Variants in LHFPL3 observed in about 807,000 individuals in gnomAD.
LHFPL3 encodes the protein LHFPL tetraspan subfamily member 3.
In LHFPL3, 5 loss-of-function variants were observed where a neutral mutation model predicts 19.3. The observed-to-expected ratio is 0.26, with a 90% CI of 0.14 to 0.54. The LOEUF (loss-of-function observed/expected upper bound fraction) is 0.54, where lower values mean the gene tolerates loss of function less well. LHFPL3 is among the 20% of genes least tolerant of loss of function. The pLI, the probability that LHFPL3 is intolerant of heterozygous loss-of-function variation, is 0.94. For synonymous variants in LHFPL3, 133 were observed against 126.2 expected (o/e 1.05, Z -0.36); for missense variants, 249 against 307.4 (o/e 0.81, Z 1.42).
intron 2 of LHFPL3, among the ~76,000 whole-genome samples, chr7:104,882,246 TTTAC>T (rs1032941996): frequency 6.6e-6 from 1 of 152,090 alleles, no homozygotes; most frequent in African/African-American, 2.4e-5. Flanking sequence ...TATTTATTTA[TTTAC>T]TTATTTATTT....
At chr7:104,524,665 A>G (rs116059828) in intron 1 of LHFPL3, among the ~76,000 whole-genome samples, 1 of 152,146 alleles carries the variant, frequency 6.6e-6, no homozygotes, top group Non-Finnish European at 1.5e-5. Flanking sequence ...CACAAAAAAG[A>G]AGTGTGATTT....
chr7:104,402,537 G>C (rs918884596), intron 1 of LHFPL3, among the ~76,000 whole-genome samples: 1 of 152,138 alleles, frequency 6.6e-6, no homozygotes, highest in Non-Finnish European at 1.5e-5. Flanking sequence ...GCTGAGAATC[G>C]TATGTTTTCT....
chr7:104,419,875 T>C (rs912028618), intron 1 of LHFPL3, among the ~76,000 whole-genome samples: 2 of 152,210 alleles, frequency 1.3e-5, no homozygotes, highest in Admixed American at 1.3e-4. Context: ...GCAAATATGC[T>C]GGATTGGACT....
chr7:104,440,718 T>C (rs186885333), intron 1 of LHFPL3, among the ~76,000 whole-genome samples: 133 of 152,300 alleles, frequency 8.7e-4, no homozygotes, highest in Middle Eastern at 3.4e-3. Flanking sequence ...TTTGATGACA[T>C]AGATTACGTA....
chr7:104,697,198 T>C (rs571597409), intron 1 of LHFPL3, among the ~76,000 whole-genome samples: 11 of 152,124 alleles, frequency 7.2e-5, no homozygotes, highest in Admixed American at 2.0e-4. Context: ...TACTATCACA[T>C]TGGGGGTTAA....
At chr7:104,691,054 A>C (rs1792897194) in intron 1 of LHFPL3, among the ~76,000 whole-genome samples, 1 of 152,202 alleles carries the variant, frequency 6.6e-6, no homozygotes, top group African/African-American at 2.4e-5. Flanking sequence ...TCTTCTTTTG[A>C]GAGACAGCAT....
intron 1 of LHFPL3, among the ~76,000 whole-genome samples, chr7:104,665,712 G>T (rs1008356153): frequency 1.3e-5 from 2 of 152,218 alleles, no homozygotes; most frequent in African/African-American, 4.8e-5. Context: ...CTGCTCAAAG[G>T]TGAGTTATTT....
At chr7:104,457,893 T>G (rs1306624620) in intron 1 of LHFPL3, among the ~76,000 whole-genome samples, 2 of 144,464 alleles carry the variant, frequency 1.4e-5, no homozygotes, top group Non-Finnish European at 3.0e-5. Context: ...TCATGTGTCT[T>G]TTGGCTGCAT....
Position 104,741,872 on chromosome 7 carries a change from A to C in LHFPL3, c.682+4961A>C, listed in dbSNP as rs564978953. Among the ~76,000 whole-genome samples the C allele has an allele frequency of 2.0e-5, 3 of 152,312 alleles. No individual in the cohort carries two copies. In the South Asian group the frequency reaches 6.2e-4, roughly 32 times the overall value. ...ACTAACTTTATATAGGAGCTGGCACATGCAAGAAAACTCAACTGCCTGCTC... is the reference window on the plus strand; with the variant it reads ...ACTAACTTTATATAGGAGCTGGCACCTGCAAGAAAACTCAACTGCCTGCTC... On this transcript the variant is annotated intron_variant, in intron 2 of 2. Coordinates refer to ENST00000424859, the MANE Select transcript of LHFPL3 (RefSeq NM_199000.3).
intron 1 of LHFPL3, among the ~76,000 whole-genome samples, chr7:104,653,942 A>G (rs565986580): frequency 6.6e-6 from 1 of 152,272 alleles, no homozygotes; most frequent in South Asian, 2.1e-4. Context: ...TTCCCTAAAG[A>G]CAGCACTTTT....
intron 1 of LHFPL3, among the ~76,000 whole-genome samples, chr7:104,506,146 A>G (rs377008871): frequency 7.9e-5 from 12 of 152,012 alleles, no homozygotes; most frequent in African/African-American, 2.7e-4. Context: ...CCTCCCGAGT[A>G]GCTGGGACTA....
At chr7:104,623,053 T>C (rs755993577) in intron 1 of LHFPL3, 1 of 343,788 alleles carries the variant, frequency 2.9e-6, no homozygotes, top group South Asian at 2.3e-5. Context: ...CATCTTTTCA[T>C]GTATTCATTA....
At chr7:104,660,111 C>T (rs988798187) in intron 1 of LHFPL3, among the ~76,000 whole-genome samples, 1 of 151,590 alleles carries the variant, frequency 6.6e-6, no homozygotes, top group Non-Finnish European at 1.5e-5. Context: ...AAGCTATTCT[C>T]CTGCCTTAGC....
chr7:104,650,854 T>G (rs534242208), intron 1 of LHFPL3, among the ~76,000 whole-genome samples: 170 of 152,200 alleles, frequency 1.1e-3, no homozygotes, highest in Admixed American at 3.0e-3. Flanking sequence ...GACTCAAAAT[T>G]TCTATGGGGC....
At chr7:104,501,885 G>C (rs1793604142) in intron 1 of LHFPL3, among the ~76,000 whole-genome samples, 1 of 152,138 alleles carries the variant, frequency 6.6e-6, no homozygotes, top group Admixed American at 6.5e-5. Flanking sequence ...ATTGTTGTCT[G>C]TTTTCTTTTT....
At chr7:104,776,447 C>T (rs747674012) in intron 2 of LHFPL3, among the ~76,000 whole-genome samples, 1 of 152,136 alleles carries the variant, frequency 6.6e-6, no homozygotes, top group African/African-American at 2.4e-5. Flanking sequence ...CAGAATTGCA[C>T]CCCCCACAGC....
At chr7:104,445,293 A>G (rs554152125) in intron 1 of LHFPL3, among the ~76,000 whole-genome samples, 1 of 152,236 alleles carries the variant, frequency 6.6e-6, no homozygotes, top group East Asian at 1.9e-4. Context: ...GTACAGACAT[A>G]AGAGTCAAGG....
intron 1 of LHFPL3, among the ~76,000 whole-genome samples, chr7:104,440,357 C>T (rs750976043): frequency 5.4e-4 from 81 of 150,350 alleles, no homozygotes; most frequent in Non-Finnish European, 8.9e-4. Flanking sequence ...AGGTGGGAAT[C>T]GAACAATGAG....
intron 1 of LHFPL3, among the ~76,000 whole-genome samples, chr7:104,385,993 A>T (rs1790934804): frequency 1.3e-5 from 2 of 152,176 alleles, no homozygotes; most frequent in African/African-American, 4.8e-5. Flanking sequence ...AAATTAACCA[A>T]AGGCTTACAA....
Sources: allele counts gnomAD v4.1 joint callset (sites outside exome capture counted in the v4.1 genomes callset), GRCh38; gene constraint gnomAD v4.1.1; transcripts MANE v1.5; gene names NCBI Gene and HGNC (gene_info 2026-07-23, HGNC 2026-07-21).